Variants in NKAIN3 observed in about 807,000 individuals in gnomAD.
NKAIN3 encodes the protein sodium/potassium-transporting ATPase subunit beta-1-interacting protein 3.
In NKAIN3, 25 loss-of-function variants were observed where a neutral mutation model predicts 30.2. The ratio of observed to expected loss-of-function variants is 0.83; its 90% confidence interval spans 0.60 to 1.16. The LOEUF (loss-of-function observed/expected upper bound fraction) is 1.16. Ranked by LOEUF, NKAIN3 falls within the 50% of genes most tolerant of loss-of-function variation. NKAIN3 has a pLI of 0.00. For missense variants in NKAIN3, 225 were observed against 254.1 expected (o/e 0.89, Z 0.78); for synonymous variants, 91 against 89.6 (o/e 1.02, Z -0.09).
At chr8:62,658,115 T>C (rs775059896) in intron 3 of NKAIN3, among the ~76,000 whole-genome samples, 16 of 152,212 alleles carry the variant, frequency 1.1e-4, no homozygotes, top group Non-Finnish European at 2.2e-4. Context: ...GCTTTGGAAT[T>C]AAACTGAATG....
At chr8:62,620,747 T>C (rs1001894697) in intron 3 of NKAIN3, among the ~76,000 whole-genome samples, 1 of 152,162 alleles carries the variant, frequency 6.6e-6, no homozygotes, top group African/African-American at 2.4e-5. Flanking sequence ...GTATCAGGTC[T>C]TTTTCTCAGC....
At chr8:62,314,266 C>A (rs1216476257) in intron 1 of NKAIN3, among the ~76,000 whole-genome samples, 1 of 152,118 alleles carries the variant, frequency 6.6e-6, no homozygotes, top group Non-Finnish European at 1.5e-5. Context: ...TTTAAAACCA[C>A]CCCAGAAAAT....
intron 4 of NKAIN3, among the ~76,000 whole-genome samples, chr8:62,852,347 T>C (rs576016511): frequency 6.6e-5 from 10 of 152,264 alleles, no homozygotes; most frequent in South Asian, 2.1e-4. Flanking sequence ...TTCTCTCTTT[T>C]CTTCTTTATT....
intron 4 of NKAIN3, among the ~76,000 whole-genome samples, chr8:62,910,324 T>A (rs1425905933): frequency 6.6e-6 from 1 of 152,154 alleles, no homozygotes; most frequent in East Asian, 1.9e-4. Context: ...TACTCTCTTT[T>A]GCCTTCATAA....
chr8:62,538,301 A>G (rs1808730190), intron 1 of NKAIN3, among the ~76,000 whole-genome samples: 1 of 151,984 alleles, frequency 6.6e-6, no homozygotes, highest in Non-Finnish European at 1.5e-5. Context: ...CACACTCCTG[A>G]GTAGCAAGGA....
At chr8:62,631,426 C>T (rs972844200) in intron 3 of NKAIN3, among the ~76,000 whole-genome samples, 1 of 152,164 alleles carries the variant, frequency 6.6e-6, no homozygotes, top group Non-Finnish European at 1.5e-5. Context: ...ACCCTCCCTA[C>T]TGTCTATATC....
chr8:62,921,537 G>C (rs1322048259), intron 5 of NKAIN3, among the ~76,000 whole-genome samples: 2 of 152,072 alleles, frequency 1.3e-5, no homozygotes, highest in Non-Finnish European at 2.9e-5. Context: ...TTACCTCTCA[G>C]CCTCTTTTAT....
intron 3 of NKAIN3, among the ~76,000 whole-genome samples, chr8:62,671,784 A>G (rs566330201): frequency 6.6e-6 from 1 of 151,652 alleles, no homozygotes; most frequent in East Asian, 1.9e-4. Context: ...TCCTCCTTCT[A>G]TGGTATGTTC....
At chr8:62,424,867 C>A (rs1179532556) in intron 1 of NKAIN3, among the ~76,000 whole-genome samples, 1 of 151,684 alleles carries the variant, frequency 6.6e-6, no homozygotes, top group Non-Finnish European at 1.5e-5. Context: ...TTACAATAGT[C>A]AAAATATGGA....
chr8:62,821,088 T>C (rs529655571), intron 4 of NKAIN3, among the ~76,000 whole-genome samples: 7 of 152,278 alleles, frequency 4.6e-5, no homozygotes, highest in African/African-American at 1.4e-4. Flanking sequence ...GCTCTTGGTT[T>C]TTATAAAATG....
chr8:62,537,563 AAG>A (rs1162638570), intron 1 of NKAIN3, among the ~76,000 whole-genome samples: 1 of 151,906 alleles, frequency 6.6e-6, no homozygotes, highest in Admixed American at 6.6e-5. Flanking sequence ...AAGAATCAGG[AAG>A]AGTCTCCTTT....
chr8:62,317,884 C>A (rs1487515690), intron 1 of NKAIN3, among the ~76,000 whole-genome samples: 2 of 152,160 alleles, frequency 1.3e-5, no homozygotes, highest in Admixed American at 1.3e-4. Context: ...GCCATTTTCA[C>A]GATATTGATT....
At chr8:62,501,334 T>C (rs1445642985) in intron 1 of NKAIN3, among the ~76,000 whole-genome samples, 4 of 152,190 alleles carry the variant, frequency 2.6e-5, no homozygotes, top group African/African-American at 4.8e-5. Flanking sequence ...CTCCTCTCTT[T>C]TTTAAAATAA....
intron 4 of NKAIN3, among the ~76,000 whole-genome samples, chr8:62,793,377 G>C (rs545647029): frequency 7.9e-5 from 12 of 152,158 alleles, no homozygotes; most frequent in African/African-American, 2.9e-4. Context: ...TCTCACTATA[G>C]ACATGGCACC....
At chr8:62,483,665 G>A (rs1451854) in intron 1 of NKAIN3, 27 of 226,814 alleles carry the variant, frequency 1.2e-4, no homozygotes, top group African/African-American at 5.5e-4. Context: ...TCTGAAGGCC[G>A]CCTTATCCTA....
At chr8:62,804,644 T>C (rs373322615) in intron 4 of NKAIN3, among the ~76,000 whole-genome samples, 2 of 152,138 alleles carry the variant, frequency 1.3e-5, no homozygotes, top group African/African-American at 2.4e-5. Context: ...ATTGATGGGA[T>C]GTACCTCAAA....
chr8:62,256,273 A>G (rs1268840572), intron 1 of NKAIN3, among the ~76,000 whole-genome samples: 1 of 152,016 alleles, frequency 6.6e-6, no homozygotes, highest in African/African-American at 2.4e-5. Context: ...AAAAAAAAAT[A>G]ACCAAACAGT....
chr8:62,720,088 A>T (rs958519433), intron 3 of NKAIN3, among the ~76,000 whole-genome samples: 1 of 152,118 alleles, frequency 6.6e-6, no homozygotes, highest in Non-Finnish European at 1.5e-5. Flanking sequence ...AATTATCACA[A>T]TTCAGATATA....
At chr8:62,992,175 A>G (rs930313202) in intron 5 of NKAIN3, among the ~76,000 whole-genome samples, 7 of 151,826 alleles carry the variant, frequency 4.6e-5, no homozygotes, top group African/African-American at 1.7e-4. Flanking sequence ...CACCACACCC[A>G]GCTAATTTTT....
Sources: gnomAD v4.1 joint callset for allele counts (sites outside exome capture counted in the v4.1 genomes callset) on GRCh38, gnomAD v4.1.1 for gene constraint, MANE v1.5 for transcripts, NCBI Gene and HGNC (gene_info 2026-07-23, HGNC 2026-07-21) for gene names.